MEF2A: variants seen among roughly 807,000 people sequenced by gnomAD.
MEF2A encodes the protein myocyte enhancer factor 2A.
MEF2A carries 28 observed loss-of-function variants against 55.8 expected under a neutral mutation model. The observed-to-expected ratio is 0.50, with a 90% CI of 0.37 to 0.69. MEF2A has a LOEUF of 0.69. Ranked by LOEUF, MEF2A falls within the 30% of genes least tolerant of loss-of-function variation. MEF2A has a pLI of 0.00. For synonymous variants in MEF2A, 239 were observed against 227.1 expected (o/e 1.05, Z -0.47); for missense variants, 528 against 626.2 (o/e 0.84, Z 1.67).
At chr15:99,706,682 A>C (rs557777041) in intron 9 of MEF2A, 47 bp from the exon 10 acceptor site, 1 of 1,597,196 alleles carries the variant, frequency 6.3e-7, no homozygotes, top group Non-Finnish European at 8.6e-7. Context: ...TTTTAAGTCA[A>C]CATAAATACC....
chr15:99,589,964 T>G (rs902736891), intron 1 of MEF2A, among the ~76,000 whole-genome samples: 4 of 152,096 alleles, frequency 2.6e-5, no homozygotes, highest in Non-Finnish European at 5.9e-5. Flanking sequence ...CATTTTCATG[T>G]TTGTTCTTAT....
intron 2 of MEF2A, among the ~76,000 whole-genome samples, chr15:99,612,654 A>G (rs1306922635): frequency 1.3e-5 from 2 of 152,148 alleles, no homozygotes; most frequent in East Asian, 3.9e-4. Flanking sequence ...AGGTTGAACT[A>G]TGATTGTGCT....
intron 2 of MEF2A, among the ~76,000 whole-genome samples, chr15:99,625,349 G>T (rs543293492): frequency 6.6e-6 from 1 of 152,248 alleles, no homozygotes; most frequent in African/African-American, 2.4e-5. Context: ...GAATCTTTAA[G>T]AGTTTTCTAC....
At chr15:99,603,907 G>GT (rs1974191195) in intron 2 of MEF2A, among the ~76,000 whole-genome samples, 1 of 152,152 alleles carries the variant, frequency 6.6e-6, no homozygotes, top group Non-Finnish European at 1.5e-5. Flanking sequence ...ACTGGTTCAT[G>GT]TGTTTGGAGG....
Position 99,712,743 on chromosome 15 carries a change from G to A in MEF2A, c.1490G>A (p.Arg497Gln), listed in dbSNP as rs770266173. 2.0e-5 allele frequency: 32 copies of A among 1,561,272 alleles called. No individual in the cohort carries two copies. The highest frequency in any genetic ancestry group is 7.1e-5 in the South Asian group (6 of 84,454). ...TEDRESPSVKRMRMDAWVT is the reference protein window; with the variant it reads ...TEDRESPSVKQMRMDAWVT ...GACAGAGAAAGCCCTTCTGTAAAGCGAATGAGGATGGACGCGTGGGTGACC... is the reference window on the plus strand; with the variant it reads ...GACAGAGAAAGCCCTTCTGTAAAGCAAATGAGGATGGACGCGTGGGTGACC... The change falls in exon 12 of 12, where the codon CGA (arginine) becomes CAA (glutamine). Residue 497 changes from arginine to glutamine, a missense_variant. Around this residue, in one of 2 missense-constraint regions of MEF2A, gnomAD observed 450 missense variants for 475.3 expected, o/e 0.95. Coordinates refer to ENST00000557942, the MANE Select transcript of MEF2A (RefSeq NM_001319206.4). This position sits in a 1 kb window ranked among gnomAD's most constrained non-coding sequence, Gnocchi z 4.1.
At chr15:99,598,984 C>T (rs1209707013) in intron 2 of MEF2A, among the ~76,000 whole-genome samples, 3 of 152,022 alleles carry the variant, frequency 2.0e-5, no homozygotes, top group South Asian at 2.1e-4. Context: ...TTTAGGGGAT[C>T]TTTTAAAAAT....
At chr15:99,615,480 T>C (rs902223125) in intron 2 of MEF2A, among the ~76,000 whole-genome samples, 1 of 152,232 alleles carries the variant, frequency 6.6e-6, no homozygotes, top group Non-Finnish European at 1.5e-5. Context: ...TGAGCACATG[T>C]GCAGATTACT....
intron 1 of MEF2A, among the ~76,000 whole-genome samples, chr15:99,577,183 G>A (rs1436650729): frequency 6.6e-6 from 1 of 152,174 alleles, no homozygotes; most frequent in African/African-American, 2.4e-5. Flanking sequence ...GTTTATGAAA[G>A]TGAAATTAAG....
Position 99,712,545 on chromosome 15 carries a change from C to A in MEF2A, c.1292C>A (p.Pro431Gln), listed in dbSNP as rs1157233240. 3.2e-6 allele frequency: 5 copies of A among 1,550,576 alleles called. No individual in the cohort carries two copies. The highest frequency in any genetic ancestry group is 2.5e-5 in the East Asian group (1 of 40,792). The stretch of plus-strand genomic sequence containing the variant: ...CAGCAGCAGCAGCAGCAGCCGCCGC[C>A]ACCACCGCAGCCCCAGCCACAACCC... ...QQQQQQQQPP[P>Q]PPQPQPQPPQ... Residue 431 changes from proline to glutamine, a missense_variant, in exon 12 of 12, where the codon CCA becomes CAA. By Grantham distance (76) the Pro-to-Gln change is moderately conservative. This residue lies in a region of MEF2A where 450 missense variants were observed against 475.3 expected (regional missense o/e 0.95). Coordinates refer to ENST00000557942, the MANE Select transcript of MEF2A (RefSeq NM_001319206.4). This position sits in a 1 kb window ranked among gnomAD's most constrained non-coding sequence, Gnocchi z 4.1.
Position 99,589,438 on chromosome 15 carries a change from T to C in MEF2A, c.-224-8992T>C, listed in dbSNP as rs185383378. ...TGTCTTTTTTCTTGACCAGCCTAACTAGAAGTTCTTTTCAAATAACCAACT... is the reference window on the plus strand; with the variant it reads ...TGTCTTTTTTCTTGACCAGCCTAACCAGAAGTTCTTTTCAAATAACCAACT... On this transcript the variant is annotated intron_variant, in intron 1 of 11. Transcript: ENST00000557942. Among the ~76,000 whole-genome samples the C allele has an allele frequency of 5.6e-4, 85 of 152,240 alleles. 1 individual carries two copies. The highest frequency in any genetic ancestry group is 1.4e-3 in the African/African-American group (57 of 41,546).
At chr15:99,655,273 C>T (rs944749065) in intron 4 of MEF2A, among the ~76,000 whole-genome samples, 15 of 152,034 alleles carry the variant, frequency 9.9e-5, no homozygotes, top group Non-Finnish European at 1.8e-4. Context: ...GAGAAAAGGA[C>T]AGTCTTTTCA....
chr15:99,710,796 C>T, intron 11 of MEF2A, 36 bp downstream of exon 11: 1 of 1,582,610 alleles, frequency 6.3e-7, no homozygotes. Flanking sequence ...ATCTTTACTC[C>T]TGGCCTACAC....
At chr15:99,580,272 A>G (rs915931018) in intron 1 of MEF2A, among the ~76,000 whole-genome samples, 2 of 152,136 alleles carry the variant, frequency 1.3e-5, no homozygotes, top group African/African-American at 4.8e-5. Context: ...TGCATTGTCA[A>G]CATTCTTTGT....
chr15:99,627,641 T>A (rs1293649569), intron 2 of MEF2A, among the ~76,000 whole-genome samples: 1 of 152,160 alleles, frequency 6.6e-6, no homozygotes, highest in Non-Finnish European at 1.5e-5. Flanking sequence ...AATATTAGAA[T>A]TACATTTAGG....
chr15:99,598,661 T>A (rs2153046112), intron 2 of MEF2A, 150 bp downstream of exon 2: 1 of 152,344 alleles, frequency 6.6e-6, no homozygotes, highest in East Asian at 1.9e-4. Context: ...AGGAAATTTG[T>A]AAAATTCGGT....
At chr15:99,630,582 G>C (rs1009692037) in intron 2 of MEF2A, among the ~76,000 whole-genome samples, 1 of 151,984 alleles carries the variant, frequency 6.6e-6, no homozygotes, top group Non-Finnish European at 1.5e-5. Context: ...GGTTTTGACC[G>C]GTTATATTTT....
At chr15:99,694,506 A>G (rs1433874191) in intron 8 of MEF2A, among the ~76,000 whole-genome samples, 1 of 152,254 alleles carries the variant, frequency 6.6e-6, no homozygotes, top group Non-Finnish European at 1.5e-5. Flanking sequence ...TTGGTGCTCA[A>G]CAGGTTTTAG....
rs28491145 is a variant in MEF2A at position 99,649,756 on chromosome 15, T to G, written c.258+3992T>G. ...CATACACATGCATATGTGTGTAATTTGAATTTATACTAAATAAAAGCCTAG... is the reference window on the plus strand; with the variant it reads ...CATACACATGCATATGTGTGTAATTGGAATTTATACTAAATAAAAGCCTAG... On this transcript the variant is annotated intron_variant, in intron 4 of 11. Transcript: ENST00000557942. 8.7e-3 allele frequency among the ~76,000 whole-genome samples: 1,329 copies of G among 152,260 alleles called. 26 individuals carry two copies. Among genetic ancestry groups the G allele is most frequent in the African/African-American group, 0.03 (1,248 of 41,544 alleles).
chr15:99,667,808 C>A (rs1438624385), intron 4 of MEF2A, among the ~76,000 whole-genome samples: 2 of 152,200 alleles, frequency 1.3e-5, no homozygotes, highest in East Asian at 3.9e-4. Context: ...TACACATTAT[C>A]TTCTGTTTAC....
Sources: gnomAD v4.1 joint callset for allele counts (sites outside exome capture counted in the v4.1 genomes callset) on GRCh38, gnomAD v4.1.1 for gene constraint, gnomAD v4.1.1 regional missense constraint, Gnocchi (gnomAD v3.1) non-coding constraint, MANE v1.5 for transcripts, NCBI Gene and HGNC (gene_info 2026-07-23, HGNC 2026-07-21) for gene names.